The following ARHGAP21 variants were observed in gnomAD, a reference collection of about 807,000 sequenced individuals.
The protein encoded by ARHGAP21 is rho GTPase-activating protein 21.
Under a neutral mutation model 164.6 loss-of-function variants are expected in ARHGAP21, and 38 were observed. The observed-to-expected ratio is 0.23, with a 90% CI of 0.18 to 0.30. The LOEUF (loss-of-function observed/expected upper bound fraction) is 0.30, where lower values mean the gene tolerates loss of function less well. Ranked by LOEUF, ARHGAP21 falls within the 10% of genes least tolerant of loss-of-function variation. The probability of loss-of-function intolerance (pLI) is 1.00; values close to 1 mark genes in which losing one functional copy is unlikely to be tolerated. For missense variants in ARHGAP21, 1,822 were observed against 2,370.7 expected (o/e 0.77, Z 4.81); for synonymous variants, 766 against 857.9 (o/e 0.89, Z 1.87).
chr10:24,721,577 C>T (rs1041157438), intron 2 of ARHGAP21, among the ~76,000 whole-genome samples: 2 of 152,224 alleles, frequency 1.3e-5, no homozygotes, highest in African/African-American at 4.8e-5. Context: ...GGGAGAATTC[C>T]TGGCTCTGAG....
intron 9 of ARHGAP21, among the ~76,000 whole-genome samples, chr10:24,611,710 A>G (rs914529099): frequency 1.2e-4 from 18 of 152,098 alleles, no homozygotes; most frequent in African/African-American, 4.1e-4. Flanking sequence ...CTATGTCAAA[A>G]AAGAAAAAAG....
chr10:24,594,017 GCA>G (rs1254646227), intron 21 of ARHGAP21, among the ~76,000 whole-genome samples: 10 of 152,080 alleles, frequency 6.6e-5, no homozygotes, highest in African/African-American at 2.4e-4. Context: ...TCCAGAACAT[GCA>G]CAGTCACTAA....
intron 21 of ARHGAP21, among the ~76,000 whole-genome samples, chr10:24,592,645 A>G (rs962132611): frequency 6.6e-6 from 1 of 151,504 alleles, no homozygotes; most frequent in Non-Finnish European, 1.5e-5. Context: ...GTCAGGCACG[A>G]TGGTGTGTGC....
chr10:24,648,413 C>T (rs1013087339), intron 4 of ARHGAP21, among the ~76,000 whole-genome samples: 1 of 152,218 alleles, frequency 6.6e-6, no homozygotes, highest in Non-Finnish European at 1.5e-5. Flanking sequence ...CTGAAAGCAG[C>T]TATCACTTTT....
chr10:24,600,591 G>T lies in ARHGAP21; in HGVS notation c.3132+55C>A, dbSNP rs986236232. 1.3e-5 allele frequency: 20 copies of T among 1,556,970 alleles called. No individual in the cohort carries two copies. In the African/African-American group the frequency reaches 2.5e-4, roughly 19 times the overall value. On this transcript the variant is annotated intron_variant, in intron 14 of 25. Transcript: ENST00000396432. ...GATATATCATATTCCTTAGATCTTTGTAAGAAAGTGTTGTGAAAGGGTCAG... is the reference window on the plus strand; with the variant it reads ...GATATATCATATTCCTTAGATCTTTTTAAGAAAGTGTTGTGAAAGGGTCAG...
At chr10:24,607,432 A>T (rs1331239502) in intron 11 of ARHGAP21, 67 bp downstream of exon 11, 2 of 1,299,224 alleles carry the variant, frequency 1.5e-6, no homozygotes, top group Non-Finnish European at 2.2e-6. Context: ...TTCTGAACTT[A>T]TGTGTCAAGG....
At chr10:24,634,600 T>C (rs770083600) in intron 5 of ARHGAP21, among the ~76,000 whole-genome samples, 1 of 152,262 alleles carries the variant, frequency 6.6e-6, no homozygotes, top group Non-Finnish European at 1.5e-5. Context: ...CACTTTGTGC[T>C]GCAAATTAAT....
At chr10:24,701,894 A>G (rs942624275) in intron 2 of ARHGAP21, among the ~76,000 whole-genome samples, 2 of 152,172 alleles carry the variant, frequency 1.3e-5, no homozygotes, top group Non-Finnish European at 2.9e-5. Context: ...GATGCTCCCC[A>G]GTATTCCTTC....
At chr10:24,622,029 A>T (rs1336995871) in intron 8 of ARHGAP21, among the ~76,000 whole-genome samples, 1 of 152,186 alleles carries the variant, frequency 6.6e-6, no homozygotes, top group South Asian at 2.1e-4. Flanking sequence ...TATATAATTT[A>T]TATTTTTATT....
intron 2 of ARHGAP21, among the ~76,000 whole-genome samples, chr10:24,704,135 CTG>C (rs1189803704): frequency 6.6e-6 from 1 of 152,152 alleles, no homozygotes; most frequent in Admixed American, 6.5e-5. Context: ...TAACCCCTGA[CTG>C]TGATCCACTC....
At position 24,584,468 on chromosome 10, in the gene ARHGAP21, G is replaced by T. The variant is rs1309617804; in HGVS notation, c.5821C>A (p.Pro1941Thr). 6.2e-7 allele frequency: 1 copy of T among 1,613,902 alleles called. No individual in the cohort carries two copies. The highest frequency in any genetic ancestry group is 2.2e-5 in the East Asian group (1 of 44,874). Residue 1941 changes from proline (P) to threonine (T), a missense_variant, in exon 26 of 26, where the codon CCT (proline) becomes ACT (threonine). Physicochemically the swap from Pro to Thr is conservative, Grantham distance 38. Transcript: ENST00000396432. Reference protein sequence around the residue: ...KNASSAANAQPHKLSETPGSK... With the variant: ...KNASSAANAQTHKLSETPGSK... ...CCTGGGGTTTCAGACAGTTTATGAG[G>T]TTGGGCATTCGCTGCAGAACTAGCA...
chr10:24,635,287 T>C lies in ARHGAP21; in HGVS notation c.269-184A>G, dbSNP rs138171888. Among the ~76,000 whole-genome samples the C allele has an allele frequency of 2.3e-3, 348 of 152,346 alleles. 5 individuals are homozygous for C. Among genetic ancestry groups the C allele is most frequent in the Non-Finnish European group, 3.0e-3 (204 of 68,028 alleles). Reference sequence around the variant, plus strand: ...ATTTAATTCAAACATTTATTTTGCTTCTTCCATAACATAATGACAACCACA... The same window carrying C: ...ATTTAATTCAAACATTTATTTTGCTCCTTCCATAACATAATGACAACCACA... On this transcript the variant is annotated intron_variant, in intron 4 of 25. Coordinates refer to ENST00000396432, the MANE Select transcript of ARHGAP21 (RefSeq NM_020824.4).
chr10:24,697,627 T>C (rs1843284509), intron 2 of ARHGAP21, among the ~76,000 whole-genome samples: 1 of 152,052 alleles, frequency 6.6e-6, no homozygotes, highest in Admixed American at 6.6e-5. Flanking sequence ...GAGGCCGAAG[T>C]GGGTGGATCA....
At chr10:24,652,763 A>T (rs1460783833) in intron 4 of ARHGAP21, among the ~76,000 whole-genome samples, 11 of 152,196 alleles carry the variant, frequency 7.2e-5, no homozygotes, top group Admixed American at 6.5e-4. Context: ...GACTGACAAC[A>T]GCAAGTGTCA....
chr10:24,673,111 A>G (rs1461149406), intron 2 of ARHGAP21, among the ~76,000 whole-genome samples: 1 of 152,232 alleles, frequency 6.6e-6, no homozygotes, highest in Non-Finnish European at 1.5e-5. Context: ...TTACAATGTT[A>G]ACTCTCCCCA....
At chr10:24,661,517 C>G (rs184799191) in intron 4 of ARHGAP21, among the ~76,000 whole-genome samples, 2 of 152,112 alleles carry the variant, frequency 1.3e-5, no homozygotes, top group East Asian at 3.8e-4. Flanking sequence ...AAAACAAAAT[C>G]ATTCAACTGT....
intron 2 of ARHGAP21, among the ~76,000 whole-genome samples, chr10:24,679,967 T>A (rs1322425880): frequency 1.3e-5 from 2 of 152,110 alleles, no homozygotes; most frequent in African/African-American, 4.8e-5. Flanking sequence ...CAGTGTGTGA[T>A]GTTCCCCTTC....
intron 4 of ARHGAP21, among the ~76,000 whole-genome samples, chr10:24,665,627 A>T (rs1840114847): frequency 6.6e-6 from 1 of 152,236 alleles, no homozygotes; most frequent in African/African-American, 2.4e-5. Flanking sequence ...AGCACAAGGG[A>T]ACTTTATGGA....
chr10:24,665,814 C>T (rs917804823), intron 4 of ARHGAP21, among the ~76,000 whole-genome samples: 4 of 152,100 alleles, frequency 2.6e-5, no homozygotes, highest in African/African-American at 9.7e-5. Flanking sequence ...AAATGAAGGA[C>T]ATTCTAAAAA....
Sources: allele counts gnomAD v4.1 joint callset (sites outside exome capture counted in the v4.1 genomes callset), GRCh38; gene constraint gnomAD v4.1.1; transcripts MANE v1.5; gene names NCBI Gene and HGNC (gene_info 2026-07-23, HGNC 2026-07-21).